MAP3K20: variants seen among roughly 807,000 people sequenced by gnomAD.
MAP3K20 encodes the protein mitogen-activated protein kinase kinase kinase 20, also known as HCCS-4.
MAP3K20 carries 40 observed loss-of-function variants against 85.7 expected under a neutral mutation model. The observed-to-expected ratio is 0.47, with a 90% CI of 0.36 to 0.61. The LOEUF is 0.61. Among genes scored for constraint, MAP3K20 ranks in the 20% least tolerant of loss-of-function variants. The probability of loss-of-function intolerance (pLI) is 0.00; values close to 1 mark genes in which losing one functional copy is unlikely to be tolerated. For missense variants in MAP3K20, 817 were observed against 961.7 expected (o/e 0.85, Z 1.99); for synonymous variants, 325 against 327.7 (o/e 0.99, Z 0.09).
intron 18 of MAP3K20, among the ~76,000 whole-genome samples, chr2:173,262,528 A>G (rs1264766357): frequency 6.6e-6 from 1 of 152,020 alleles, no homozygotes; most frequent in Admixed American, 6.6e-5. Context: ...TGAACCCTGG[A>G]TGCAGAAGTT....
At chr2:173,214,008 G>A (rs1193152266) in intron 10 of MAP3K20, among the ~76,000 whole-genome samples, 4 of 152,052 alleles carry the variant, frequency 2.6e-5, no homozygotes, top group Admixed American at 2.6e-4. Context: ...TAGAGTCACC[G>A]TGATCACAGT....
At chr2:173,157,450 A>G (rs1200963348) in intron 2 of MAP3K20, among the ~76,000 whole-genome samples, 2 of 152,192 alleles carry the variant, frequency 1.3e-5, no homozygotes, top group Admixed American at 6.5e-5. Flanking sequence ...GAAGAATCCA[A>G]GTGTTCAAGA....
At chr2:173,112,013 AT>A (rs1468913061) in intron 2 of MAP3K20, among the ~76,000 whole-genome samples, 1 of 152,026 alleles carries the variant, frequency 6.6e-6, no homozygotes, top group Non-Finnish European at 1.5e-5. Flanking sequence ...CATTATGGTC[AT>A]TTTCACAATA....
chr2:173,080,331 G>C (rs1402017514), intron 1 of MAP3K20, among the ~76,000 whole-genome samples: 2 of 152,208 alleles, frequency 1.3e-5, no homozygotes, highest in African/African-American at 4.8e-5. Context: ...ACGCAGAGCT[G>C]CTTGCCCACT....
intron 2 of MAP3K20, chr2:173,160,123 T>C (rs1689603528): frequency 6.6e-6 from 1 of 152,204 alleles, no homozygotes; most frequent in Admixed American, 6.5e-5. Flanking sequence ...GAATATAGGA[T>C]GTATTCTATT....
chr2:173,265,480 C>T (rs1316422440), intron 19 of MAP3K20, among the ~76,000 whole-genome samples: 2 of 152,208 alleles, frequency 1.3e-5, no homozygotes, highest in Admixed American at 6.5e-5. Flanking sequence ...CCTGTGGACA[C>T]GTGAACGGTC....
At chr2:173,203,557 T>C (rs2106292494) in intron 8 of MAP3K20, among the ~76,000 whole-genome samples, 1 of 152,342 alleles carries the variant, frequency 6.6e-6, no homozygotes, top group South Asian at 2.1e-4. Flanking sequence ...TTGCATTAGT[T>C]GTACTGAACC....
chr2:173,208,924 A>G (rs1279069586), intron 9 of MAP3K20, among the ~76,000 whole-genome samples: 1 of 152,192 alleles, frequency 6.6e-6, no homozygotes, highest in Non-Finnish European at 1.5e-5. Context: ...AAAGAGATAG[A>G]CTAGAATAGT....
chr2:173,265,980 G>C, intron 19 of MAP3K20, 70 bp from the exon 20 acceptor site: 1 of 1,456,938 alleles, frequency 6.9e-7, no homozygotes, highest in Non-Finnish European at 9.3e-7. Flanking sequence ...ATTATCCTAA[G>C]ACAGGCGTAT....
At chr2:173,149,113 A>G (rs1574058203) in intron 2 of MAP3K20, among the ~76,000 whole-genome samples, 1 of 152,268 alleles carries the variant, frequency 6.6e-6, no homozygotes, top group East Asian at 1.9e-4. Context: ...GCTGAAATCA[A>G]TATTTGGAGC....
chr2:173,120,869 G>A (rs550462994), intron 2 of MAP3K20, among the ~76,000 whole-genome samples: 7 of 151,822 alleles, frequency 4.6e-5, no homozygotes, highest in East Asian at 3.9e-4. Context: ...CACCATGGCC[G>A]GCTAAATTTT....
At chr2:173,173,905 T>C (rs3769176) in intron 3 of MAP3K20, among the ~76,000 whole-genome samples, 107,554 of 152,032 alleles carry the variant, frequency 0.71, 40,457 homozygotes, top group Non-Finnish European at 0.84. Flanking sequence ...AAGGAAATTT[T>C]TGCTTAATGT....
At chr2:173,236,334 A>C (rs2106334791) in intron 14 of MAP3K20, among the ~76,000 whole-genome samples, 1 of 151,646 alleles carries the variant, frequency 6.6e-6, no homozygotes, top group Non-Finnish European at 1.5e-5. Context: ...AGAGAAGCCA[A>C]GGAATATGCA....
At chr2:173,247,596 A>G (rs748988445) in intron 16 of MAP3K20, among the ~76,000 whole-genome samples, 2 of 152,252 alleles carry the variant, frequency 1.3e-5, no homozygotes, top group Non-Finnish European at 2.9e-5. Context: ...CTAAGTATCT[A>G]AGATGAATAA....
intron 2 of MAP3K20, among the ~76,000 whole-genome samples, chr2:173,151,350 C>T (rs1361971441): frequency 6.6e-6 from 1 of 152,138 alleles, no homozygotes; most frequent in Non-Finnish European, 1.5e-5. Context: ...AGATTTAAGT[C>T]AGAATGTTAG....
intron 2 of MAP3K20, among the ~76,000 whole-genome samples, chr2:173,159,352 T>TCTTTCTTTCCTTC (rs930012643): frequency 3.3e-5 from 5 of 151,688 alleles, no homozygotes; most frequent in African/African-American, 1.2e-4. Context: ...TTTTACTCTT[T>TCTTTCTTTCCTTC]CTTTCTTTCC....
chr2:173,182,655 G>T (rs1412046132), intron 3 of MAP3K20, among the ~76,000 whole-genome samples, 199 bp from the exon 4 acceptor site: 2 of 152,082 alleles, frequency 1.3e-5, no homozygotes, highest in African/African-American at 4.8e-5. Flanking sequence ...ACTATTCATT[G>T]TAAGTTACTG....
intron 2 of MAP3K20, among the ~76,000 whole-genome samples, chr2:173,121,441 G>T (rs1248489010): frequency 1.3e-5 from 2 of 152,142 alleles, no homozygotes; most frequent in African/African-American, 4.8e-5. Context: ...AGGCTGGAGT[G>T]CAGCAGGCAA....
At chr2:173,210,907 C>G (rs750286208) in intron 10 of MAP3K20, 1 of 151,922 alleles carries the variant, frequency 6.6e-6, no homozygotes, top group Non-Finnish European at 1.5e-5. Flanking sequence ...ATTTTTATTC[C>G]TTTGAAATAT....
Sources: gnomAD v4.1 joint callset for allele counts (sites outside exome capture counted in the v4.1 genomes callset) on GRCh38, gnomAD v4.1.1 for gene constraint, MANE v1.5 for transcripts, NCBI Gene and HGNC (gene_info 2026-07-23, HGNC 2026-07-21) for gene names.